Variants in KATNIP observed in about 807,000 individuals in gnomAD.
The protein encoded by KATNIP is katanin-interacting protein.
A neutral mutation model predicts 174.0 loss-of-function variants in KATNIP; 126 were observed. That is an observed-to-expected ratio of 0.72 (90% confidence interval 0.63 to 0.84). The LOEUF (loss-of-function observed/expected upper bound fraction) is 0.84. Among genes scored for constraint, KATNIP ranks in the 40% least tolerant of loss-of-function variants. KATNIP has a pLI of 0.00. For missense variants in KATNIP, 1,958 were observed against 2,109.7 expected, an observed-to-expected ratio of 0.93 and a Z score of 1.41; for synonymous variants, 810 against 835.7, an observed-to-expected ratio of 0.97 and a Z score of 0.53.
At chr16:27,564,265 A>G (rs1402265163) in intron 1 of KATNIP, among the ~76,000 whole-genome samples, 1 of 152,118 alleles carries the variant, frequency 6.6e-6, no homozygotes, top group East Asian at 1.9e-4. Flanking sequence ...TGAGAGTTTT[A>G]CATGTAGTGC....
At chr16:27,601,713 C>A (rs189353947) in intron 2 of KATNIP, among the ~76,000 whole-genome samples, 1 of 152,242 alleles carries the variant, frequency 6.6e-6, no homozygotes, top group East Asian at 1.9e-4. Flanking sequence ...TTACACTTGT[C>A]TGTCTATCTC....
At chr16:27,755,760 G>C (rs2081696539) in intron 18 of KATNIP, 1 of 152,384 alleles carries the variant, frequency 6.6e-6, no homozygotes, top group Admixed American at 6.5e-5. Flanking sequence ...AGCCTCCCAA[G>C]TAGCTGGGAT....
At chr16:27,559,559 C>T (rs888337730) in intron 1 of KATNIP, among the ~76,000 whole-genome samples, 18 of 151,578 alleles carry the variant, frequency 1.2e-4, no homozygotes, top group Admixed American at 3.9e-4. Context: ...TGACACATGC[C>T]TGTGGTTTCA....
rs745963939 is a variant in KATNIP, at chr16:27,777,743, G to A, written c.4685G>A (p.Arg1562His). ...TILFTEDRDI[R>H]HQEKHTTISN... ...CTCTTCACCGAGGACAGGGACATCC[G>A]CCACCAGGAGAAACACACCACCATC... Residue 1562 changes from arginine (R) to histidine (H), a missense_variant, in exon 26 of 28, where the codon CGC becomes CAC. By Grantham distance (29) the Arg-to-His change is conservative. Transcript: ENST00000261588. This position sits in a 1 kb window ranked among gnomAD's most constrained non-coding sequence, Gnocchi z 4.4. The A allele has an allele frequency of 8.6e-5, 138 of 1,613,820 alleles. No homozygotes were observed. Among genetic ancestry groups the A allele is most frequent in the Non-Finnish European group, 1.1e-4 (129 of 1,179,842 alleles).
In KATNIP at chr16:27,701,586, C is replaced by A; in HGVS notation, c.1180-3C>A. ...TCTGTTTAATAAGCCTTTCCATCCT[C>A]AGCTGCTTCCCATCACCACGGCGAC... On this transcript the variant is annotated splice_region_variant and splice_polypyrimidine_tract_variant and intron_variant, in intron 10 of 27. Transcript: ENST00000261588. 1 of 1,579,928 alleles carries A rather than the reference C, an allele frequency of 6.3e-7. No homozygotes were observed. Among genetic ancestry groups the A allele is most frequent in the Non-Finnish European group, 8.6e-7 (1 of 1,162,184 alleles).
At chr16:27,688,580 G>A (rs922434549) in intron 8 of KATNIP, among the ~76,000 whole-genome samples, 5 of 152,202 alleles carry the variant, frequency 3.3e-5, no homozygotes, top group Admixed American at 3.3e-4. Context: ...AACAGAGTGA[G>A]ACTCCGTCTC....
chr16:27,628,654 C>T lies in KATNIP; in HGVS notation c.141-7C>T, dbSNP rs1214610418. 16 of 1,613,830 alleles carry T rather than the reference C, an allele frequency of 9.9e-6. No homozygotes were observed. Among genetic ancestry groups the T allele is most frequent in the Admixed American group, 1.7e-5 (1 of 59,990 alleles). On this transcript the variant is annotated splice_polypyrimidine_tract_variant and splice_region_variant and intron_variant, in intron 3 of 27. Transcript: ENST00000261588. ...TGAGGAGGAACAACCCACCGTTTCT[C>T]TTTCAGGATATTAAAGCATTTGAAA...
intron 14 of KATNIP, among the ~76,000 whole-genome samples, chr16:27,735,184 C>T (rs2080851783): frequency 6.6e-6 from 1 of 152,146 alleles, no homozygotes; most frequent in African/African-American, 2.4e-5. Flanking sequence ...CACTGATTTC[C>T]ACCTGAGCCC....
At chr16:27,705,940 A>C (rs992611158) in intron 12 of KATNIP, among the ~76,000 whole-genome samples, 4 of 152,100 alleles carry the variant, frequency 2.6e-5, no homozygotes, top group Admixed American at 6.5e-5. Flanking sequence ...AGCATCCCAA[A>C]ATGCTGGGAT....
intron 5 of KATNIP, among the ~76,000 whole-genome samples, chr16:27,641,380 C>T (rs564614866): frequency 1.3e-5 from 2 of 152,072 alleles, no homozygotes; most frequent in East Asian, 1.9e-4. Flanking sequence ...ACTTAGGTTC[C>T]GCCACCCTGC....
intron 14 of KATNIP, among the ~76,000 whole-genome samples, chr16:27,737,629 C>G (rs1206836210): frequency 6.6e-6 from 1 of 152,008 alleles, no homozygotes; most frequent in East Asian, 1.9e-4. Context: ...AGGAAGCAAC[C>G]CAGGAGTCGG....
At chr16:27,674,335 G>A (rs940925216) in intron 6 of KATNIP, among the ~76,000 whole-genome samples, 2 of 152,202 alleles carry the variant, frequency 1.3e-5, no homozygotes, top group East Asian at 1.9e-4. Context: ...AAACCTGCAC[G>A]TTGTGCACAT....
intron 13 of KATNIP, among the ~76,000 whole-genome samples, 174 bp from the exon 14 acceptor site, chr16:27,721,384 G>A (rs1374190172): frequency 6.6e-6 from 1 of 152,168 alleles, no homozygotes; most frequent in African/African-American, 2.4e-5. Context: ...GTGCCGTCCA[G>A]ACGGGGTGAT....
At chr16:27,683,353 C>G (rs1195811520) in intron 8 of KATNIP, among the ~76,000 whole-genome samples, 1 of 152,200 alleles carries the variant, frequency 6.6e-6, no homozygotes, top group African/African-American at 2.4e-5. Context: ...TATCATCTCA[C>G]AGTTCTCGAG....
intron 2 of KATNIP, among the ~76,000 whole-genome samples, chr16:27,592,962 A>G (rs116317976): frequency 0.012 from 1,843 of 152,312 alleles, 50 homozygotes; most frequent in African/African-American, 0.041. Context: ...GAACTTCATT[A>G]CTTTCTCACA....
intron 2 of KATNIP, among the ~76,000 whole-genome samples, chr16:27,612,328 G>A (rs1412275079): frequency 6.6e-6 from 1 of 152,158 alleles, no homozygotes; most frequent in Non-Finnish European, 1.5e-5. Context: ...CAGAGCCCAT[G>A]TACCTCCCAG....
chr16:27,725,100 C>G (rs1333547811), intron 14 of KATNIP, among the ~76,000 whole-genome samples: 1 of 152,178 alleles, frequency 6.6e-6, no homozygotes, highest in African/African-American at 2.4e-5. Context: ...GCACAGAAGG[C>G]AGCACACAGA....
chr16:27,610,644 C>G (rs551524662), intron 2 of KATNIP, among the ~76,000 whole-genome samples: 1 of 152,122 alleles, frequency 6.6e-6, no homozygotes. Flanking sequence ...ACAATTCACA[C>G]GCACACATGA....
intron 8 of KATNIP, among the ~76,000 whole-genome samples, chr16:27,687,804 T>C (rs1257941509): frequency 1.3e-5 from 2 of 152,002 alleles, no homozygotes; most frequent in Non-Finnish European, 2.9e-5. Context: ...TCAGTGTGAG[T>C]GAATTAGAGG....
Sources: allele counts gnomAD v4.1 joint callset (sites outside exome capture counted in the v4.1 genomes callset), GRCh38; gene constraint gnomAD v4.1.1; non-coding constraint Gnocchi (gnomAD v3.1); transcripts MANE v1.5; gene names NCBI Gene and HGNC (gene_info 2026-07-23, HGNC 2026-07-21).